The following SCARB2 variants were observed in gnomAD, a reference collection of about 807,000 sequenced individuals.
SCARB2 encodes the protein scavenger receptor class B member 2.
A neutral mutation model predicts 58.6 loss-of-function variants in SCARB2; 29 were observed. The ratio of observed to expected loss-of-function variants is 0.49; its 90% CI spans 0.37 to 0.67. SCARB2 has a LOEUF of 0.67. SCARB2 is among the 30% of genes least tolerant of loss of function. The pLI is 0.00. For synonymous variants in SCARB2, 195 were observed against 210.1 expected, an observed-to-expected ratio of 0.93 and a Z score of 0.62; for missense variants, 488 against 578.5, an observed-to-expected ratio of 0.84 and a Z score of 1.60.
chr4:76,210,706 C>T (rs571103805), intron 1 of SCARB2, among the ~76,000 whole-genome samples: 1 of 152,282 alleles, frequency 6.6e-6, no homozygotes, highest in Non-Finnish European at 1.5e-5. Context: ...ACCACTGAGG[C>T]CAAAAATGAA....
intron 1 of SCARB2, among the ~76,000 whole-genome samples, chr4:76,203,592 A>G (rs17001640): frequency 0.12 from 18,766 of 152,284 alleles, 1,605 homozygotes; most frequent in East Asian, 0.41. Flanking sequence ...TTCAACCAGC[A>G]TAAGCTTCCA....
At chr4:76,177,020 CCTAA>C (rs1311087736) in intron 4 of SCARB2, 1 of 142,312 alleles carries the variant, frequency 7.0e-6, no homozygotes, top group Non-Finnish European at 1.5e-5. Flanking sequence ...CTCTGGCAAC[CCTAA>C]CTGATACAGT....
chr4:76,190,844 GCTGT>G (rs1383547694), intron 2 of SCARB2, among the ~76,000 whole-genome samples: 1 of 152,168 alleles, frequency 6.6e-6, no homozygotes, highest in Non-Finnish European at 1.5e-5. Context: ...TTGGAATTAT[GCTGT>G]CTAATAGGGT....
At chr4:76,176,252 A>G in intron 5 of SCARB2, 185 bp downstream of exon 5, 1 of 612,604 alleles carries the variant, frequency 1.6e-6, no homozygotes, top group Non-Finnish European at 2.9e-6. Flanking sequence ...CAAATCACTA[A>G]TATTTAATCT....
upstream of SCARB2, chr4:76,217,693 T>C: frequency 3.3e-6 from 2 of 606,602 alleles, no homozygotes; most frequent in Non-Finnish European, 6.0e-6. Flanking sequence ...TCTCAGGTAT[T>C]GTTATAGCAA....
chr4:76,233,197 C>G (rs1733522235), intron 1 of SCARB2, among the ~76,000 whole-genome samples: 1 of 152,092 alleles, frequency 6.6e-6, no homozygotes, highest in Non-Finnish European at 1.5e-5. Flanking sequence ...AATTTAAAAC[C>G]TGGTAAGTTG....
At chr4:76,208,453 C>T (rs1206749125) in intron 1 of SCARB2, among the ~76,000 whole-genome samples, 1 of 152,084 alleles carries the variant, frequency 6.6e-6, no homozygotes, top group Non-Finnish European at 1.5e-5. Context: ...CACATTGCTC[C>T]GTTATAAACT....
chr4:76,172,016 ACT>A (rs1732139773), intron 7 of SCARB2, among the ~76,000 whole-genome samples: 1 of 149,308 alleles, frequency 6.7e-6, no homozygotes, highest in South Asian at 2.1e-4. Context: ...ATATATATAT[ACT>A]ATATACATAT....
chr4:76,227,151 T>C (rs758733160), intron 1 of SCARB2, among the ~76,000 whole-genome samples: 1 of 152,224 alleles, frequency 6.6e-6, no homozygotes, highest in Non-Finnish European at 1.5e-5. Flanking sequence ...GACTTTTTGA[T>C]GTAGTCAAAA....
At chr4:76,184,860 TGATG>T in intron 2 of SCARB2, 1 of 317,242 alleles carries the variant, frequency 3.2e-6, no homozygotes. Context: ...GGCAGACACA[TGATG>T]TGATGATCAA....
At position 76,158,737 on chromosome 4, in the gene SCARB2, T is replaced by C. The variant is rs903354469; in HGVS notation, c.*2976A>G. The C allele has an allele frequency of 3.9e-5, 6 of 152,328 alleles. No homozygotes were observed. Among genetic ancestry groups the C allele is most frequent in the African/African-American group, 1.4e-4 (6 of 41,572 alleles). The allele number at this position is 152,328 out of a possible 1,614,324, so 9.4% of individuals were successfully genotyped here. A position where few individuals can be genotyped will look rare whatever the true frequency, so the allele number is the denominator to read the frequency against. The stretch of plus-strand genomic sequence containing the variant: ...CAATGACATATGACTTCTAGAGCAA[T>C]TTTATATAAAGTGGTTTTTTATTAA... On this transcript the variant is annotated 3_prime_UTR_variant, in exon 12 of 12. Transcript: ENST00000264896.
At chr4:76,229,164 AGT>A (rs1430189386) in intron 1 of SCARB2, among the ~76,000 whole-genome samples, 1 of 151,914 alleles carries the variant, frequency 6.6e-6, no homozygotes, top group Non-Finnish European at 1.5e-5. Context: ...TATTTTTCTA[AGT>A]GTGTCTTTGA....
rs1388493177 is a variant in SCARB2, at chr4:76,181,105, AAAG to A, written c.276-7_276-5del. ...ATTTGCTTTGTTTCTGAGTTCCCTAAAAGAAAGAAAAGGGTTTTATTTGAAAAT... is the reference window on the plus strand; with the variant it reads ...ATTTGCTTTGTTTCTGAGTTCCCTAAAAAGAAAAGGGTTTTATTTGAAAAT... On this transcript the variant is annotated splice_polypyrimidine_tract_variant and splice_region_variant and intron_variant, in intron 2 of 11. Coordinates refer to ENST00000264896, the MANE Select transcript of SCARB2 (RefSeq NM_005506.4). 6.2e-7 allele frequency: 1 copy of A among 1,613,108 alleles called. No homozygotes were observed. Among genetic ancestry groups the A allele is most frequent in the Admixed American group, 1.7e-5 (1 of 59,984 alleles).
chr4:76,163,638 G>T, intron 10 of SCARB2: 1 of 538,180 alleles, frequency 1.9e-6, no homozygotes, highest in Non-Finnish European at 3.3e-6. Context: ...CAGAAATATT[G>T]AGACAGTATC....
At chr4:76,176,619 A>ACCATCTGGG in intron 4 of SCARB2, 91 bp from the exon 5 acceptor site, 1 of 834,260 alleles carries the variant, frequency 1.2e-6, no homozygotes, top group South Asian at 1.4e-5. Flanking sequence ...TTGGTCAAAC[A>ACCATCTGGG]CTAGCCCAGA....
upstream of SCARB2, among the ~76,000 whole-genome samples, chr4:76,215,362 T>C (rs975823249): frequency 1.3e-5 from 2 of 152,214 alleles, no homozygotes; most frequent in African/African-American, 2.4e-5. Context: ...GGGCTGGCTG[T>C]TGGCTTCCAA....
chr4:76,210,040 G>T (rs1019132711), intron 1 of SCARB2, among the ~76,000 whole-genome samples: 1 of 152,322 alleles, frequency 6.6e-6, no homozygotes, highest in East Asian at 1.9e-4. Flanking sequence ...GATCTCAGAA[G>T]TTTGGAGCTA....
chr4:76,176,347 G>A, intron 5 of SCARB2, 90 bp downstream of exon 5: 2 of 855,914 alleles, frequency 2.3e-6, no homozygotes, highest in Non-Finnish European at 1.9e-6. Context: ...TCCAAAAAAG[G>A]CTAAACACAT....
chr4:76,182,660 T>C (rs547816895), intron 2 of SCARB2, among the ~76,000 whole-genome samples: 9 of 152,306 alleles, frequency 5.9e-5, no homozygotes, highest in African/African-American at 1.9e-4. Flanking sequence ...TGTCCGTACA[T>C]GTCTTTAGCA....
Sources: gnomAD v4.1 joint callset for allele counts (sites outside exome capture counted in the v4.1 genomes callset) on GRCh38, gnomAD v4.1.1 for gene constraint, MANE v1.5 for transcripts, NCBI Gene and HGNC (gene_info 2026-07-23, HGNC 2026-07-21) for gene names.